MACROD2: variants seen among roughly 807,000 people sequenced by gnomAD.
The protein encoded by MACROD2 is mono-ADP ribosylhydrolase 2, also known as ADP-ribose glycohydrolase MACROD2.
MACROD2 carries 36 observed loss-of-function variants against 70.4 expected under a neutral mutation model. That is an observed-to-expected ratio of 0.51 (90% CI 0.39 to 0.68). MACROD2 has a LOEUF of 0.68. Ranked by LOEUF, MACROD2 falls within the 30% of genes least tolerant of loss-of-function variation. The probability of loss-of-function intolerance (pLI) is 0.00; values close to 1 mark genes in which losing one functional copy is unlikely to be tolerated. For synonymous variants in MACROD2, 172 were observed against 178.8 expected (o/e 0.96, Z 0.30); for missense variants, 496 against 538.4 (o/e 0.92, Z 0.78).
At chr20:14,193,739 T>C (rs988904678) in intron 3 of MACROD2, among the ~76,000 whole-genome samples, 14 of 152,136 alleles carry the variant, frequency 9.2e-5, no homozygotes, top group Non-Finnish European at 1.8e-4. Flanking sequence ...CTGACCCTTT[T>C]CTCTTTTCAA....
At chr20:15,828,640 A>G (rs778557797) in intron 8 of MACROD2, among the ~76,000 whole-genome samples, 3 of 152,222 alleles carry the variant, frequency 2.0e-5, no homozygotes, top group Middle Eastern at 3.2e-3. Flanking sequence ...CTATGTGGCA[A>G]TGCACCCATG....
intron 5 of MACROD2, among the ~76,000 whole-genome samples, chr20:15,079,577 C>T (rs2075686795): frequency 6.6e-6 from 1 of 152,110 alleles, no homozygotes; most frequent in African/African-American, 2.4e-5. Context: ...TTCCACCATT[C>T]ATCCTCCCCT....
At chr20:15,409,537 C>G (rs1003625) in intron 6 of MACROD2, among the ~76,000 whole-genome samples, 25,417 of 152,208 alleles carry the variant, frequency 0.17, 2,311 homozygotes, top group African/African-American at 0.22. Context: ...TATGAGCATA[C>G]TTACCTCATT....
At position 15,140,080 on chromosome 20, in the gene MACROD2, C is replaced by T. The variant is rs566025895; in HGVS notation, c.419-89860C>T. Among the ~76,000 whole-genome samples the T allele has an allele frequency of 3.3e-5, 5 of 152,198 alleles. No individual in the cohort carries two copies. In the South Asian group the frequency reaches 8.3e-4, roughly 25 times the overall value. ...AATGTGGGTGGGAATGACCACAGAC[C>T]GCAAACTCACGTTTGCAAGAAATGT... On this transcript the variant is annotated intron_variant, in intron 5 of 17. Transcript: ENST00000684519.
chr20:15,061,397 C>T (rs1009509216), intron 5 of MACROD2, among the ~76,000 whole-genome samples: 7 of 152,162 alleles, frequency 4.6e-5, no homozygotes, highest in Non-Finnish European at 1.0e-4. Context: ...GGATACCTAC[C>T]CGAGTGTGTG....
chr20:14,323,261 G>A (rs536664749), intron 3 of MACROD2: 2 of 152,016 alleles, frequency 1.3e-5, no homozygotes, highest in Non-Finnish European at 2.9e-5. Context: ...TCCCCTTTTT[G>A]TGTTCTATTA....
intron 4 of MACROD2, among the ~76,000 whole-genome samples, chr20:14,648,479 C>G (rs1281710309): frequency 6.6e-6 from 1 of 152,130 alleles, no homozygotes; most frequent in Non-Finnish European, 1.5e-5. Flanking sequence ...AATGTAACAA[C>G]TGGATTTAAA....
In MACROD2 at chr20:14,883,520, T is replaced by C. The variant is rs149653623; in HGVS notation, c.418+198561T>C. On this transcript the variant is annotated intron_variant, in intron 5 of 17. Coordinates refer to ENST00000684519, the MANE Select transcript of MACROD2 (RefSeq NM_001351661.2). ...CCCTCTGGGCTTCCCCTTTCTCTAA[T>C]AAAACTACTTTAATCCCATTCACAT... 7.9e-5 allele frequency among the ~76,000 whole-genome samples: 12 copies of C among 152,142 alleles called. No individual in the cohort carries two copies. The East Asian group carries it at 2.3e-3, about 29-fold the overall frequency.
chr20:14,937,071 C>T (rs2074346222), intron 5 of MACROD2, among the ~76,000 whole-genome samples: 1 of 152,066 alleles, frequency 6.6e-6, no homozygotes, highest in African/African-American at 2.4e-5. Context: ...ATGGAGACTG[C>T]TGAAAGAGGT....
intron 8 of MACROD2, among the ~76,000 whole-genome samples, chr20:15,653,398 G>A (rs145107328): frequency 6.6e-6 from 1 of 152,210 alleles, no homozygotes; most frequent in Non-Finnish European, 1.5e-5. Context: ...AGTATGGGCA[G>A]AATCAGCTGT....
At chr20:14,955,941 A>G (rs2074532671) in intron 5 of MACROD2, among the ~76,000 whole-genome samples, 1 of 152,150 alleles carries the variant, frequency 6.6e-6, no homozygotes, top group Non-Finnish European at 1.5e-5. Flanking sequence ...CCATATTTAG[A>G]ATCCTAGACA....
At chr20:15,786,032 G>T (rs1244942502) in intron 8 of MACROD2, among the ~76,000 whole-genome samples, 1 of 151,800 alleles carries the variant, frequency 6.6e-6, no homozygotes, top group African/African-American at 2.4e-5. Context: ...AGATACAAGG[G>T]TTCAAATAAA....
chr20:14,063,226 T>C (rs1410269228), intron 2 of MACROD2, among the ~76,000 whole-genome samples: 1 of 152,228 alleles, frequency 6.6e-6, no homozygotes, highest in Admixed American at 6.5e-5. Flanking sequence ...AAGGCTGGGC[T>C]ATTGTAACAA....
chr20:14,364,191 A>G (rs2083251331), intron 3 of MACROD2, among the ~76,000 whole-genome samples: 1 of 152,224 alleles, frequency 6.6e-6, no homozygotes, highest in Non-Finnish European at 1.5e-5. Flanking sequence ...AAAGAGGTCC[A>G]CATTAGGGAC....
intron 6 of MACROD2, among the ~76,000 whole-genome samples, chr20:15,411,792 A>G (rs1342799323): frequency 6.6e-6 from 1 of 152,192 alleles, no homozygotes; most frequent in Non-Finnish European, 1.5e-5. Context: ...TCATTTTCCA[A>G]CCCATAATCC....
intron 3 of MACROD2, among the ~76,000 whole-genome samples, chr20:14,264,719 T>C (rs1467215890): frequency 6.6e-6 from 1 of 152,104 alleles, no homozygotes; most frequent in African/African-American, 2.4e-5. Context: ...GGAATTTCCT[T>C]ATGAGAAGGC....
At chr20:15,164,382 G>A (rs2076368735) in intron 5 of MACROD2, among the ~76,000 whole-genome samples, 1 of 152,014 alleles carries the variant, frequency 6.6e-6, no homozygotes, top group African/African-American at 2.4e-5. Context: ...GGTATGAGAA[G>A]GTGGGAAGGA....
At position 15,007,085 on chromosome 20, in the gene MACROD2, C is replaced by T. The variant is rs140413598; in HGVS notation, c.419-222855C>T. On this transcript the variant is annotated intron_variant, in intron 5 of 17. Coordinates refer to ENST00000684519, the MANE Select transcript of MACROD2 (RefSeq NM_001351661.2). ...GGAAACCATAAAAACCCAGGAGAGG[C>T]CGGGCGCAGTGGCTCACTTCTGTAA... Among the ~76,000 whole-genome samples, 467 of 152,192 alleles carry T rather than the reference C, an allele frequency of 3.1e-3. 3 individuals are homozygous for T. The highest frequency in any genetic ancestry group is 0.011 in the African/African-American group (448 of 41,500).
At chr20:14,955,281 T>C (rs1243941036) in intron 5 of MACROD2, among the ~76,000 whole-genome samples, 1 of 136,080 alleles carries the variant, frequency 7.3e-6, no homozygotes, top group Non-Finnish European at 1.5e-5. Context: ...TTATTATATA[T>C]AGTTTATATA....
Sources: gnomAD v4.1 joint callset for allele counts (sites outside exome capture counted in the v4.1 genomes callset) on GRCh38, gnomAD v4.1.1 for gene constraint, MANE v1.5 for transcripts, NCBI Gene and HGNC (gene_info 2026-07-23, HGNC 2026-07-21) for gene names.